NAA11: variants seen among roughly 807,000 people sequenced by gnomAD.
NAA11 encodes the protein N-alpha-acetyltransferase 11, NatA catalytic subunit.
NAA11 carries 15 observed loss-of-function variants against 16.1 expected under a neutral mutation model. The observed-to-expected ratio is 0.93, with a 90% confidence interval of 0.62 to 1.44. The LOEUF is 1.44. Among genes scored for constraint, NAA11 ranks in the 40% most tolerant of loss-of-function variants. The pLI is 0.00. For missense variants in NAA11, 298 were observed against 291.3 expected (o/e 1.02, Z -0.17); for synonymous variants, 122 against 112.4 (o/e 1.09, Z -0.54).
At chr4:79,204,314 A>G in the NAA11 span, among the ~76,000 whole-genome samples, 1 of 151,920 alleles carries the variant, frequency 6.6e-6, no homozygotes, top group Non-Finnish European at 1.5e-5. Flanking sequence ...GCATATTATC[A>G]GAATAACAAT....
the NAA11 span, among the ~76,000 whole-genome samples, chr4:79,206,686 T>C: frequency 3.9e-5 from 6 of 152,246 alleles, no homozygotes; most frequent in African/African-American, 1.4e-4. Context: ...TCTAAGTTGC[T>C]AGCCAGTCAA....
chr4:79,203,802 A>G, the NAA11 span, among the ~76,000 whole-genome samples: 1 of 151,888 alleles, frequency 6.6e-6, no homozygotes, highest in Non-Finnish European at 1.5e-5. Flanking sequence ...ACTCAGAGTT[A>G]ATAGTTCTCA....
the NAA11 span, among the ~76,000 whole-genome samples, chr4:79,181,707 T>C: frequency 6.6e-6 from 1 of 152,238 alleles, no homozygotes; most frequent in Admixed American, 6.5e-5. Context: ...AGTGTCCTCT[T>C]GCTTTGCCTG....
At chr4:79,193,175 G>A in the NAA11 span, among the ~76,000 whole-genome samples, 1 of 152,092 alleles carries the variant, frequency 6.6e-6, no homozygotes, top group African/African-American at 2.4e-5. Context: ...TCTGTAGGTT[G>A]CCTGTTCACT....
At chr4:79,220,988 G>A (rs1251882151), downstream of NAA11, among the ~76,000 whole-genome samples, 1 of 151,664 alleles carries the variant, frequency 6.6e-6, no homozygotes, top group Non-Finnish European at 1.5e-5. Context: ...TCACGATATT[G>A]ATTCTTCCTA....
chr4:79,257,976 G>A (rs17003688), intron 2 of NAA11, among the ~76,000 whole-genome samples: 7,406 of 152,302 alleles, frequency 0.049, 636 homozygotes, highest in African/African-American at 0.17. Context: ...AACATATGTG[G>A]GGTAATGCAT....
At chr4:79,212,072 T>C in the NAA11 span, among the ~76,000 whole-genome samples, 1 of 152,158 alleles carries the variant, frequency 6.6e-6, no homozygotes, top group Admixed American at 6.6e-5. Context: ...GCATAAGAAA[T>C]TCTGTATAGC....
At chr4:79,185,634 C>T in the NAA11 span, among the ~76,000 whole-genome samples, 1 of 152,120 alleles carries the variant, frequency 6.6e-6, no homozygotes, top group South Asian at 2.1e-4. Context: ...ATCTTTCCTC[C>T]CCAATTAAAA....
intron 2 of NAA11, among the ~76,000 whole-genome samples, chr4:79,241,520 CT>C (rs1487505243): frequency 6.6e-6 from 1 of 152,012 alleles, no homozygotes; most frequent in African/African-American, 2.4e-5. Context: ...TGCATATATG[CT>C]TTTTGTTTCT....
the NAA11 span, among the ~76,000 whole-genome samples, chr4:79,209,960 C>T: frequency 6.6e-6 from 1 of 152,064 alleles, no homozygotes; most frequent in African/African-American, 2.4e-5. Context: ...GTAAGAGAAT[C>T]GCTTGAACCT....
downstream of NAA11, among the ~76,000 whole-genome samples, chr4:79,222,483 A>G (rs1488995312): frequency 6.6e-6 from 1 of 150,856 alleles, no homozygotes; most frequent in African/African-American, 2.4e-5. Context: ...CACCTTATAC[A>G]AAAATCAATT....
At chr4:79,268,852 TC>T (rs1468162978) in intron 2 of NAA11, among the ~76,000 whole-genome samples, 3 of 80,320 alleles carry the variant, frequency 3.7e-5, no homozygotes, top group African/African-American at 1.5e-4. Context: ...CCCTCCCCCC[TC>T]CCCCCACCCC....
chr4:79,174,995 T>C, the NAA11 span, among the ~76,000 whole-genome samples: 2 of 152,154 alleles, frequency 1.3e-5, no homozygotes, highest in East Asian at 3.9e-4. Flanking sequence ...TAATTTCTTC[T>C]TGAAGCATGT....
chr4:79,309,270 A>G (rs1723687814), intron 1 of NAA11, among the ~76,000 whole-genome samples: 1 of 151,572 alleles, frequency 6.6e-6, no homozygotes, highest in Admixed American at 6.6e-5. Context: ...GACAAAACAG[A>G]ATTTGCTTTG....
At chr4:79,258,616 C>T (rs1722178123) in intron 2 of NAA11, among the ~76,000 whole-genome samples, 1 of 152,258 alleles carries the variant, frequency 6.6e-6, no homozygotes, top group South Asian at 2.1e-4. Context: ...TGCAGGCACC[C>T]CTTGGCACCT....
At chr4:79,284,199 C>T (rs1722859123) in intron 2 of NAA11, among the ~76,000 whole-genome samples, 1 of 152,050 alleles carries the variant, frequency 6.6e-6, no homozygotes, top group South Asian at 2.1e-4. Flanking sequence ...AATTACTAAT[C>T]ATATTAATTT....
intron 2 of NAA11, among the ~76,000 whole-genome samples, chr4:79,278,924 G>A (rs1174557310): frequency 6.6e-6 from 1 of 152,042 alleles, no homozygotes; most frequent in East Asian, 1.9e-4. Context: ...TCAGCATTTG[G>A]TGTGGGCCTT....
chr4:79,249,152 C>T (rs1721929172), intron 2 of NAA11, among the ~76,000 whole-genome samples: 1 of 152,186 alleles, frequency 6.6e-6, no homozygotes, highest in South Asian at 2.1e-4. Flanking sequence ...CTGAACCCAC[C>T]TCATAAGGAT....
chr4:79,224,507 C>CA (rs2109951048), downstream of NAA11, among the ~76,000 whole-genome samples: 1 of 151,950 alleles, frequency 6.6e-6, no homozygotes, highest in African/African-American at 2.4e-5. Context: ...AAATGTAAGA[C>CA]AAAAAAAGCA....
Sources: allele counts gnomAD v4.1 joint callset (sites outside exome capture counted in the v4.1 genomes callset), GRCh38; gene constraint gnomAD v4.1.1; transcripts MANE v1.5; gene names NCBI Gene and HGNC (gene_info 2026-07-23, HGNC 2026-07-21).